WWOX: variants seen among roughly 807,000 people sequenced by gnomAD.
WWOX encodes the protein WW domain-containing oxidoreductase.
WWOX carries 69 observed loss-of-function variants against 46.2 expected under a neutral mutation model. The ratio of observed to expected loss-of-function variants is 1.49; its 90% CI spans 1.23 to 1.82. The LOEUF (loss-of-function observed/expected upper bound fraction) is 1.82. Ranked by LOEUF, WWOX falls within the 40% of genes most tolerant of loss-of-function variation. The pLI is 0.00. For missense variants in WWOX, 919 were observed against 542.6 expected, an observed-to-expected ratio of 1.69 and a Z score of -6.89; for synonymous variants, 359 against 202.6, an observed-to-expected ratio of 1.77 and a Z score of -6.56.
At chr16:78,932,388 A>T (rs1162573374) in intron 8 of WWOX, among the ~76,000 whole-genome samples, 1 of 152,138 alleles carries the variant, frequency 6.6e-6, no homozygotes, top group Admixed American at 6.5e-5. Flanking sequence ...TTTTCTTTGT[A>T]TAGACAGCCT....
At chr16:79,162,961 A>G (rs2050516141) in intron 8 of WWOX, among the ~76,000 whole-genome samples, 1 of 152,248 alleles carries the variant, frequency 6.6e-6, no homozygotes, top group Admixed American at 6.5e-5. Flanking sequence ...TCCCCCAGAA[A>G]AAGTCCTTAT....
intron 8 of WWOX, among the ~76,000 whole-genome samples, chr16:78,436,407 C>T (rs2083336603): frequency 6.6e-6 from 1 of 152,126 alleles, no homozygotes; most frequent in South Asian, 2.1e-4. Context: ...TGTTTCTGAC[C>T]TTGAGTGATT....
At chr16:79,178,451 G>A (rs921494318) in intron 8 of WWOX, among the ~76,000 whole-genome samples, 4 of 152,072 alleles carry the variant, frequency 2.6e-5, no homozygotes, top group Non-Finnish European at 5.9e-5. Context: ...CGAGTAGCTG[G>A]ATGACAGGTG....
intron 8 of WWOX, among the ~76,000 whole-genome samples, chr16:79,148,162 C>T (rs2050214211): frequency 6.6e-6 from 1 of 152,044 alleles, no homozygotes; most frequent in Admixed American, 6.5e-5. Flanking sequence ...CCATATATCC[C>T]AAATAATTTC....
Position 79,184,012 on chromosome 16 carries a change from A to T in WWOX, c.1057-27596A>T, listed in dbSNP as rs145466447. Among the ~76,000 whole-genome samples, 249 of 152,324 alleles carry T rather than the reference A, an allele frequency of 1.6e-3. 3 individuals carry two copies. Among genetic ancestry groups the T allele is most frequent in the African/African-American group, 5.8e-3 (242 of 41,578 alleles). Reference sequence around the variant, plus strand: ...CAACTCTCCTCACCTCTGTGACTGCATCTTTATAACTCTCCTTTATTAGTG... The same window carrying T: ...CAACTCTCCTCACCTCTGTGACTGCTTCTTTATAACTCTCCTTTATTAGTG... On this transcript the variant is annotated intron_variant, in intron 8 of 8. Coordinates refer to ENST00000566780, the MANE Select transcript of WWOX (RefSeq NM_016373.4).
chr16:79,197,199 A>G, intron 8 of WWOX, among the ~76,000 whole-genome samples: 1 of 152,144 alleles, frequency 6.6e-6, no homozygotes, highest in Non-Finnish European at 1.5e-5. Context: ...GGGTTTATAC[A>G]TTCCCACAGT....
intron 8 of WWOX, among the ~76,000 whole-genome samples, chr16:78,491,708 G>A (rs1245315155): frequency 6.6e-6 from 1 of 152,122 alleles, no homozygotes; most frequent in Non-Finnish European, 1.5e-5. Context: ...CATCAAAATG[G>A]GAATCACTGA....
At chr16:79,210,482 TC>T (rs1051069389) in intron 8 of WWOX, among the ~76,000 whole-genome samples, 4 of 152,054 alleles carry the variant, frequency 2.6e-5, no homozygotes, top group African/African-American at 4.8e-5. Flanking sequence ...GAAAGCCATT[TC>T]CCCCACAATC....
intron 8 of WWOX, among the ~76,000 whole-genome samples, chr16:78,672,534 C>T (rs896748827): frequency 2.0e-5 from 3 of 152,170 alleles, no homozygotes; most frequent in African/African-American, 4.8e-5. Context: ...GGCCCAGAGT[C>T]GGCAGTGTAG....
At chr16:78,511,203 A>G (rs1292688054) in intron 8 of WWOX, among the ~76,000 whole-genome samples, 2 of 152,172 alleles carry the variant, frequency 1.3e-5, no homozygotes, top group African/African-American at 4.8e-5. Flanking sequence ...CATTAATGTA[A>G]AAGCAGCTGG....
chr16:78,745,862 G>GA (rs1327214073), intron 8 of WWOX, among the ~76,000 whole-genome samples: 2 of 137,454 alleles, frequency 1.5e-5, no homozygotes, highest in African/African-American at 5.4e-5. Flanking sequence ...ATCTAGTTTG[G>GA]AAAAAGCACA....
chr16:78,531,496 A>G (rs2043620083), intron 8 of WWOX, among the ~76,000 whole-genome samples: 1 of 152,066 alleles, frequency 6.6e-6, no homozygotes, highest in South Asian at 2.1e-4. Flanking sequence ...GTATTTTGCT[A>G]CCAGTTCTTT....
chr16:78,610,798 G>A lies in WWOX; in HGVS notation c.1056+178046G>A, dbSNP rs116527770. Among the ~76,000 whole-genome samples the A allele has an allele frequency of 3.3e-5, 5 of 152,082 alleles. No homozygotes were observed. In the East Asian group the frequency reaches 9.6e-4, roughly 29 times the overall value. On this transcript the variant is annotated intron_variant, in intron 8 of 8. Coordinates refer to ENST00000566780, the MANE Select transcript of WWOX (RefSeq NM_016373.4). Reference sequence around the variant, plus strand: ...ATAAAATCTGGAGGTTTGGAATGCAGCAAACTCTGGGGGCATTATCATTAT... The same window carrying A: ...ATAAAATCTGGAGGTTTGGAATGCAACAAACTCTGGGGGCATTATCATTAT...
intron 8 of WWOX, among the ~76,000 whole-genome samples, chr16:78,452,393 T>TA (rs1477330478): frequency 6.6e-6 from 1 of 152,108 alleles, no homozygotes; most frequent in Admixed American, 6.6e-5. Flanking sequence ...TTTAATTAGA[T>TA]ATGTTTGTGT....
intron 8 of WWOX, among the ~76,000 whole-genome samples, chr16:78,562,133 C>T (rs2044454838): frequency 1.3e-5 from 2 of 152,150 alleles, no homozygotes; most frequent in South Asian, 4.1e-4. Flanking sequence ...ATTGGATGCT[C>T]AACTCTGGAT....
rs372451107 is a variant in WWOX, at chr16:78,837,275, C to G, written c.1057-374333C>G. 6.6e-5 allele frequency among the ~76,000 whole-genome samples: 10 copies of G among 152,244 alleles called. No individual in the cohort carries two copies. The South Asian group carries it at 1.9e-3, about 28-fold the overall frequency. On this transcript the variant is annotated intron_variant, in intron 8 of 8. Transcript: ENST00000566780. ...ACGGTTCATAGAGATTACCTTTCAA[C>G]GCGAGTTTCATTTTCATTTCTTCCA... is the stretch of plus-strand genomic sequence containing the variant.
chr16:78,701,733 A>G (rs953761836), intron 8 of WWOX, among the ~76,000 whole-genome samples: 6 of 151,988 alleles, frequency 3.9e-5, no homozygotes, highest in African/African-American at 9.7e-5. Flanking sequence ...AAGCTGCAGT[A>G]GGGGTTCTTT....
intron 8 of WWOX, among the ~76,000 whole-genome samples, chr16:79,106,185 C>T (rs2049304452): frequency 1.3e-5 from 2 of 152,222 alleles, no homozygotes; most frequent in Non-Finnish European, 1.5e-5. Context: ...TATATTTCAG[C>T]AAGCCTTCCA....
intron 8 of WWOX, among the ~76,000 whole-genome samples, chr16:78,599,039 A>T (rs147869431): frequency 8.5e-4 from 130 of 152,218 alleles, no homozygotes; most frequent in Middle Eastern, 6.8e-3. Flanking sequence ...TGAACAATCA[A>T]ACTGGACTTT....
Sources: gnomAD v4.1 joint callset for allele counts (sites outside exome capture counted in the v4.1 genomes callset) on GRCh38, gnomAD v4.1.1 for gene constraint, MANE v1.5 for transcripts, NCBI Gene and HGNC (gene_info 2026-07-23, HGNC 2026-07-21) for gene names.